The following GAREM2 variants were observed in gnomAD, a reference collection of about 807,000 sequenced individuals.
GAREM2 encodes GRB2-associated and regulator of MAPK protein 2.
GAREM2 carries 30 observed loss-of-function variants against 55.6 expected under a neutral mutation model. The ratio of observed to expected loss-of-function variants is 0.54; its 90% confidence interval spans 0.40 to 0.73. GAREM2 has a LOEUF of 0.73. Among genes scored for constraint, GAREM2 ranks in the 30% least tolerant of loss-of-function variants. The probability of loss-of-function intolerance (pLI) is 0.00; values close to 1 mark genes in which losing one functional copy is unlikely to be tolerated. For synonymous variants in GAREM2, 550 were observed against 569.1 expected (o/e 0.97, Z 0.48); for missense variants, 1,075 against 1,257.7 (o/e 0.85, Z 2.20).
At chr2:26,191,474 G>A (rs776491880), downstream of GAREM2, 7 of 1,614,010 alleles carry the variant, frequency 4.3e-6, no homozygotes, top group East Asian at 4.5e-5. Context: ...CCCAACCTGC[G>A]AGACCAACCT....
chr2:26,175,361 CCT>C (rs1668829674), intron 1 of GAREM2, among the ~76,000 whole-genome samples: 1 of 152,200 alleles, frequency 6.6e-6, no homozygotes, highest in Non-Finnish European at 1.5e-5. Flanking sequence ...ACTCCCAACA[CCT>C]CTGCCCCAGA....
chr2:26,198,751 G>C, the GAREM2 span, among the ~76,000 whole-genome samples: 1 of 151,982 alleles, frequency 6.6e-6, no homozygotes, highest in Non-Finnish European at 1.5e-5. Flanking sequence ...CATGATTTTA[G>C]TTAATCAAGA....
At chr2:26,180,475 G>A (rs2147727951) in intron 2 of GAREM2, among the ~76,000 whole-genome samples, 1 of 152,198 alleles carries the variant, frequency 6.6e-6, no homozygotes, top group East Asian at 1.9e-4. Flanking sequence ...CTATTTCACT[G>A]GCCAGTCTAT....
chr2:26,195,332 G>A, the GAREM2 span: 4 of 1,018,274 alleles, frequency 3.9e-6, no homozygotes, highest in Non-Finnish European at 6.3e-6. Flanking sequence ...AAAGGTGGCT[G>A]TGATATAGGA....
downstream of GAREM2, chr2:26,193,704 T>C (rs974621601): frequency 4.3e-6 from 7 of 1,614,078 alleles, no homozygotes; most frequent in Non-Finnish European, 5.9e-6. Flanking sequence ...CATCCACCAG[T>C]GTGGCGGCAC....
At position 26,187,879 on chromosome 2, in the gene GAREM2, G is replaced by A. The variant is rs1396673042; in HGVS notation, c.2247G>A (p.Val749=). 3 of 1,439,566 alleles carry A rather than the reference G, an allele frequency of 2.1e-6. No homozygotes were observed. Among genetic ancestry groups the A allele is most frequent in the Non-Finnish European group, 2.7e-6 (3 of 1,091,384 alleles). 89.2% of individuals were successfully genotyped at this position (1,439,566 alleles called of 1,614,324 possible). The change falls in exon 6 of 6, where the codon GTG becomes GTA. Residue 749 remains valine (V), a synonymous_variant. Transcript: ENST00000401533. The part of the protein sequence containing the change: ...PSKAFEPEGL[V]LHQVPTPLSP... ...AGGCCTTTGAGCCTGAAGGTTTGGTGCTGCACCAGGTCCCCACCCCACTGT... is the reference window on the plus strand; with the variant it reads ...AGGCCTTTGAGCCTGAAGGTTTGGTACTGCACCAGGTCCCCACCCCACTGT...
downstream of GAREM2, chr2:26,191,067 C>A (rs962512954): frequency 7.5e-6 from 5 of 668,158 alleles, no homozygotes; most frequent in Middle Eastern, 1.2e-3. Flanking sequence ...CAAACTAATT[C>A]GAAGTCACAC....
intron 2 of GAREM2, among the ~76,000 whole-genome samples, chr2:26,178,961 A>T (rs1668955997): frequency 1.4e-5 from 2 of 139,328 alleles, no homozygotes; most frequent in Non-Finnish European, 3.1e-5. Context: ...CGCTGAGTGC[A>T]CGGCTGGGCT....
rs984446214 is a variant in GAREM2 at position 26,179,517 on chromosome 2, C to T, written c.253+3033C>T. Among the ~76,000 whole-genome samples, 1 of 152,024 alleles carries T rather than the reference C, an allele frequency of 6.6e-6. No individual in the cohort carries two copies. Among genetic ancestry groups the T allele is most frequent in the Non-Finnish European group, 1.5e-5 (1 of 67,986 alleles). On this transcript the variant is annotated intron_variant, in intron 2 of 5. Transcript: ENST00000401533. The surrounding 1 kb of genome is among the most constrained non-coding windows in gnomAD (Gnocchi z 4.7). ...GTGGTCAGCAATCCCCTGCCACAGC[C>T]CTCAGGTGCTTGGGGCTGGAAGGGA... is the stretch of plus-strand genomic sequence containing the variant.
intron 2 of GAREM2, among the ~76,000 whole-genome samples, chr2:26,178,875 C>CGGGGGAGGGGAGGAGGA (rs1441371706): frequency 4.1e-3 from 71 of 17,406 alleles, no homozygotes; most frequent in Non-Finnish European, 5.2e-3. Flanking sequence ...TCCGCCCGCA[C>CGGGGGAGGGGAGGAGGA]GGGGGAGGGG....
At position 26,187,530 on chromosome 2, in the gene GAREM2, T is replaced by C; in HGVS notation, c.1898T>C (p.Phe633Ser). 1.3e-6 allele frequency: 2 copies of C among 1,536,130 alleles called. No individual in the cohort carries two copies. Among genetic ancestry groups the C allele is most frequent in the South Asian group, 1.2e-5 (1 of 81,692 alleles). ...RFAPFGALNP[F>S]SGPAYPSGPS... is the part of the protein sequence containing the mutation. The stretch of plus-strand genomic sequence containing the variant: ...GCTCCGTTTGGAGCTCTCAACCCTT[T>C]TTCCGGGCCTGCCTACCCCTCAGGC... The change falls in exon 6 of 6, where the codon TTT (phenylalanine) becomes TCT (serine). Residue 633 changes from phenylalanine (F) to serine (S), a missense_variant. By Grantham distance (155) the Phe-to-Ser change is radical. Coordinates refer to ENST00000401533, the MANE Select transcript of GAREM2 (RefSeq NM_001168241.2).
At chr2:26,186,061 G>T (rs1669242608) in intron 4 of GAREM2, 128 bp from the exon 5 acceptor site, 2 of 897,352 alleles carry the variant, frequency 2.2e-6, no homozygotes, top group East Asian at 5.6e-5. Flanking sequence ...GGGGTGCAAG[G>T]CAGCCTATTG....
chr2:26,191,535 T>A (rs757938383), downstream of GAREM2: 2 of 1,614,180 alleles, frequency 1.2e-6, no homozygotes. Context: ...TGTCTCCCTC[T>A]GCAGGTGTGG....
chr2:26,173,386 T>C, intron 1 of GAREM2, 54 bp downstream of exon 1: 1 of 1,036,092 alleles, frequency 9.7e-7, no homozygotes, highest in Non-Finnish European at 1.3e-6. Context: ...TGGTGGGCTC[T>C]CCAGCCAGGG....
At chr2:26,191,168 A>C, downstream of GAREM2, 2 of 1,408,404 alleles carry the variant, frequency 1.4e-6, no homozygotes, top group African/African-American at 1.4e-5. Flanking sequence ...TACTCTGATA[A>C]ATCTAGACAC....
the GAREM2 span, among the ~76,000 whole-genome samples, chr2:26,197,286 C>A: frequency 6.6e-6 from 1 of 152,176 alleles, no homozygotes; most frequent in Non-Finnish European, 1.5e-5. Flanking sequence ...AGCAAACCCA[C>A]GGGCAGACAC....
At chr2:26,198,876 C>A in the GAREM2 span, among the ~76,000 whole-genome samples, 1 of 151,678 alleles carries the variant, frequency 6.6e-6, no homozygotes, top group Non-Finnish European at 1.5e-5. Context: ...ATAGTGAGAC[C>A]CTATATCTAC....
At chr2:26,191,307 G>A (rs1442504665), downstream of GAREM2, 1 of 1,613,652 alleles carries the variant, frequency 6.2e-7, no homozygotes, top group Non-Finnish European at 8.5e-7. Flanking sequence ...GCTGGCATGG[G>A]GTGAACTGTT....
chr2:26,178,661 C>T (rs1560866), intron 2 of GAREM2, among the ~76,000 whole-genome samples: 115,563 of 152,206 alleles, frequency 0.76, 44,868 homozygotes, highest in African/African-American at 0.93. Context: ...AAAAACGTGA[C>T]TTTAGGGACT....
Sources: gnomAD v4.1 joint callset for allele counts (sites outside exome capture counted in the v4.1 genomes callset) on GRCh38, gnomAD v4.1.1 for gene constraint, Gnocchi (gnomAD v3.1) non-coding constraint, MANE v1.5 for transcripts, NCBI Gene and HGNC (gene_info 2026-07-23, HGNC 2026-07-21) for gene names.